Variants in STRN observed in about 807,000 individuals in gnomAD.
The protein encoded by STRN is striatin, also known as protein phosphatase 2 regulatory subunit B'''alpha.
STRN carries 53 observed loss-of-function variants against 96.3 expected under a neutral mutation model. The observed-to-expected ratio is 0.55, with a 90% confidence interval of 0.44 to 0.69. STRN has a LOEUF of 0.69. Among genes scored for constraint, STRN ranks in the 30% least tolerant of loss-of-function variants. STRN has a pLI of 0.00. For synonymous variants in STRN, 428 were observed against 355.9 expected, an observed-to-expected ratio of 1.20 and a Z score of -2.28; for missense variants, 987 against 963.9, an observed-to-expected ratio of 1.02 and a Z score of -0.32.
At chr2:36,854,931 G>C (rs1256531467) in intron 15 of STRN, among the ~76,000 whole-genome samples, 4 of 152,006 alleles carry the variant, frequency 2.6e-5, no homozygotes, top group African/African-American at 9.7e-5. Context: ...AATAAATATG[G>C]CTTTCTTCAA....
intron 1 of STRN, among the ~76,000 whole-genome samples, chr2:36,931,658 A>C (rs1670577740): frequency 6.6e-6 from 1 of 152,186 alleles, no homozygotes; most frequent in South Asian, 2.1e-4. Context: ...CCTAAGACAT[A>C]TGTGTACCAG....
intron 7 of STRN, among the ~76,000 whole-genome samples, chr2:36,889,618 TG>T (rs1307730262): frequency 2.0e-4 from 18 of 91,216 alleles, no homozygotes; most frequent in African/African-American, 6.7e-4. Context: ...TTCTTTTTTT[TG>T]GGGGGGGTGG....
intron 3 of STRN, 127 bp downstream of exon 3, chr2:36,915,951 C>G (rs1233775031): frequency 2.6e-6 from 2 of 777,478 alleles, no homozygotes; most frequent in East Asian, 2.7e-5. Flanking sequence ...TGCCAAAAGA[C>G]AAGCAGGTCA....
chr2:36,857,059 T>C lies in STRN; in HGVS notation c.1837+797A>G, dbSNP rs1438918951. On this transcript the variant is annotated intron_variant, in intron 14 of 17. Transcript: ENST00000263918. ...TTACCCAGTCTCAGGTATTTCTTTA[T>C]AGTGGTACGAGAATGGGCAAATATA... Among the ~76,000 whole-genome samples the C allele has an allele frequency of 2.6e-5, 4 of 151,638 alleles. No individual in the cohort carries two copies. In the East Asian group the frequency reaches 5.8e-4, roughly 22 times the overall value.
chr2:36,902,873 G>T (rs1669725545), intron 4 of STRN, 122 bp from the exon 5 acceptor site: 1 of 706,760 alleles, frequency 1.4e-6, no homozygotes, highest in Non-Finnish European at 2.1e-6. Flanking sequence ...ACAGTACTAT[G>T]CTAGTAAGAC....
intron 3 of STRN, among the ~76,000 whole-genome samples, chr2:36,908,617 C>A (rs1448179408): frequency 6.6e-6 from 1 of 151,978 alleles, no homozygotes; most frequent in African/African-American, 2.4e-5. Context: ...TAAGAATGTA[C>A]CCTATCCTCT....
intron 1 of STRN, among the ~76,000 whole-genome samples, chr2:36,934,851 T>TGGA (rs1172179617): frequency 2.6e-5 from 4 of 152,156 alleles, no homozygotes; most frequent in African/African-American, 9.7e-5. Flanking sequence ...CCTAGATGGA[T>TGGA]GGATCACTTG....
chr2:36,869,131 G>C (rs1668702844), intron 11 of STRN, among the ~76,000 whole-genome samples: 2 of 152,150 alleles, frequency 1.3e-5, no homozygotes. Flanking sequence ...ACCCATCCCA[G>C]TGAGGCTTTT....
At position 36,869,729 on chromosome 2, in the gene STRN, T is replaced by A. The variant is rs760565070; in HGVS notation, c.1324A>T (p.Ile442Leu). ...ANEADSLTYD[I>L]ANNKDALRKT... The stretch of plus-strand genomic sequence containing the variant: ...CTCAATGCATCTTTATTGTTTGCTA[T>A]CTATTAAAGAAACAAAACAAAGATA... The change falls in exon 11 of 18, where the codon ATA (isoleucine) becomes TTA (leucine). Residue 442 changes from isoleucine (I) to leucine (L), a missense_variant and splice_region_variant. By Grantham distance (5) the Ile-to-Leu change is conservative (BLOSUM62 2). Transcript: ENST00000263918. 6.3e-7 allele frequency: 1 copy of A among 1,586,956 alleles called. No individual in the cohort carries two copies. Among genetic ancestry groups the A allele is most frequent in the South Asian group, 1.2e-5 (1 of 85,864 alleles).
chr2:36,935,855 G>C (rs924883936), intron 1 of STRN, among the ~76,000 whole-genome samples: 13 of 152,152 alleles, frequency 8.5e-5, no homozygotes, highest in Non-Finnish European at 1.3e-4. Context: ...CCATAAACTA[G>C]AAAGTCTGTT....
intron 1 of STRN, among the ~76,000 whole-genome samples, chr2:36,941,911 C>G (rs1187093645): frequency 6.6e-6 from 1 of 152,072 alleles, no homozygotes; most frequent in Admixed American, 6.6e-5. Flanking sequence ...AGTTGGTTTA[C>G]CACAACTTAC....
At position 36,848,987 on chromosome 2, in the gene STRN, G is replaced by C. The variant is rs1375187615; in HGVS notation, c.*469C>G. 6.3e-6 allele frequency: 1 copy of C among 157,522 alleles called. No individual in the cohort carries two copies. The highest frequency in any genetic ancestry group is 2.4e-5 in the African/African-American group (1 of 41,456). The allele number at this position is 157,522 out of a possible 1,614,324, so 9.8% of individuals were successfully genotyped here. ...TCATTATACACAAAGGGGTTAATAT[G>C]GCAGATATGATAAAGATTACTATTT... On this transcript the variant is annotated 3_prime_UTR_variant, in exon 18 of 18. Coordinates refer to ENST00000263918, the MANE Select transcript of STRN (RefSeq NM_003162.4).
intron 15 of STRN, among the ~76,000 whole-genome samples, chr2:36,851,431 C>T (rs1208958808): frequency 6.6e-6 from 1 of 151,638 alleles, no homozygotes; most frequent in African/African-American, 2.4e-5. Flanking sequence ...TGCAGTGAGC[C>T]GAGATCGTGC....
At chr2:36,880,568 TA>T (rs1475965526) in intron 9 of STRN, among the ~76,000 whole-genome samples, 21 of 152,166 alleles carry the variant, frequency 1.4e-4, no homozygotes, top group African/African-American at 5.1e-4. Context: ...GTAGCAAAAA[TA>T]AACATAGGTT....
At chr2:36,881,779 C>T (rs1242442869) in intron 9 of STRN, among the ~76,000 whole-genome samples, 1 of 152,120 alleles carries the variant, frequency 6.6e-6, no homozygotes, top group East Asian at 1.9e-4. Context: ...TATTAGAATT[C>T]TGCATAATTC....
At chr2:36,947,363 AAC>A (rs1664602519) in intron 1 of STRN, among the ~76,000 whole-genome samples, 1 of 151,914 alleles carries the variant, frequency 6.6e-6, no homozygotes, top group Admixed American at 6.6e-5. Flanking sequence ...TTTTTATTCA[AAC>A]AGTCTGAAAA....
intron 12 of STRN, among the ~76,000 whole-genome samples, chr2:36,863,415 C>T (rs563419338): frequency 2.8e-4 from 42 of 152,294 alleles, no homozygotes; most frequent in African/African-American, 8.9e-4. Context: ...ATCCCAGCAT[C>T]ATTTATTGAA....
chr2:36,933,729 C>T (rs1038237302), intron 1 of STRN, among the ~76,000 whole-genome samples: 3 of 152,142 alleles, frequency 2.0e-5, no homozygotes, highest in African/African-American at 7.2e-5. Context: ...TTCAGCCTCT[C>T]GAGGAGCTGG....
At chr2:36,952,036 C>A (rs1664765919) in intron 1 of STRN, among the ~76,000 whole-genome samples, 1 of 152,158 alleles carries the variant, frequency 6.6e-6, no homozygotes, top group South Asian at 2.1e-4. Flanking sequence ...ACAATTTCGT[C>A]CCGAAAATAC....
Sources: allele counts gnomAD v4.1 joint callset (sites outside exome capture counted in the v4.1 genomes callset), GRCh38; gene constraint gnomAD v4.1.1; transcripts MANE v1.5; gene names NCBI Gene and HGNC (gene_info 2026-07-23, HGNC 2026-07-21).